Variants in RP1 observed in about 807,000 individuals in gnomAD.
RP1 encodes the protein oxygen-regulated protein 1.
In RP1, 16 loss-of-function variants were observed where a neutral mutation model predicts 14.8. The ratio of observed to expected loss-of-function variants is 1.08; its 90% confidence interval spans 0.73 to 1.65. The LOEUF (loss-of-function observed/expected upper bound fraction) is 1.65, where lower values mean the gene tolerates loss of function less well. Ranked by LOEUF, RP1 falls within the 40% of genes most tolerant of loss-of-function variation. The pLI is 0.00. For synonymous variants in RP1, 876 were observed against 883.6 expected, an observed-to-expected ratio of 0.99 and a Z score of 0.15; for missense variants, 2,631 against 2,535.0, an observed-to-expected ratio of 1.04 and a Z score of -0.81.
chr8:54,639,449 C>G (rs891596636), intron 3 of RP1, among the ~76,000 whole-genome samples: 1 of 152,034 alleles, frequency 6.6e-6, no homozygotes, highest in African/African-American at 2.4e-5. Flanking sequence ...AGTGAGATTG[C>G]TAGCTTTTAT....
intron 7 of RP1, among the ~76,000 whole-genome samples, chr8:54,664,416 A>G (rs757598521): frequency 3.3e-5 from 5 of 152,154 alleles, no homozygotes; most frequent in Non-Finnish European, 7.4e-5. Context: ...CATATTTAGA[A>G]GTGGGATTGA....
chr8:54,569,106 A>T (rs1023144804), intron 1 of RP1, among the ~76,000 whole-genome samples: 1 of 152,240 alleles, frequency 6.6e-6, no homozygotes, highest in African/African-American at 2.4e-5. Context: ...AAAATGCCCA[A>T]AGTTACGTTC....
intron 19 of RP1, among the ~76,000 whole-genome samples, chr8:54,753,200 G>T (rs1809416983): frequency 6.6e-6 from 1 of 152,188 alleles, no homozygotes; most frequent in Non-Finnish European, 1.5e-5. Context: ...AGCAAGTAAA[G>T]ATACAGTCGT....
exon 16 of RP1, chr8:54,720,212 A>C (rs1808501516): frequency 6.5e-7 from 1 of 1,536,010 alleles, no homozygotes; most frequent in Non-Finnish European, 8.7e-7. Flanking sequence ...CGAAGAGCCC[A>C]GGATTGTTTG....
intron 8 of RP1, chr8:54,678,393 T>C: frequency 7.5e-7 from 1 of 1,339,958 alleles, no homozygotes; most frequent in Non-Finnish European, 1.0e-6. Context: ...AACTTGTTTC[T>C]CAAAACTTGA....
At position 54,628,959 on chromosome 8, in the gene RP1, T is replaced by C. The variant is rs765888763; in HGVS notation, c.5077T>C (p.Leu1693=). 22 of 1,614,050 alleles carry C rather than the reference T, an allele frequency of 1.4e-5. No homozygotes were observed. The African/African-American group carries it at 2.8e-4, about 21-fold the overall frequency. ...SEQVSSSSSM[L]QEFQEERQDK... ...ACAGGTATCTAGTAGTTCATCTATG[T>C]TGCAGGAATTCCAGGAGGAAAGACA... The change falls in exon 4 of 4, where the codon TTG becomes CTG. Residue 1693 remains leucine, a synonymous_variant. Transcript: ENST00000220676.
chr8:54,786,485 A>C (rs1345434806), intron 24 of RP1, among the ~76,000 whole-genome samples: 2 of 151,924 alleles, frequency 1.3e-5, no homozygotes, highest in African/African-American at 4.8e-5. Context: ...CTGTGGTTGC[A>C]AGGTTGCCAG....
intron 21 of RP1, among the ~76,000 whole-genome samples, chr8:54,756,386 T>C (rs1166039778): frequency 1.3e-5 from 2 of 152,232 alleles, no homozygotes; most frequent in Non-Finnish European, 2.9e-5. Flanking sequence ...TAAAGGCATA[T>C]TTTTAAGAAA....
At chr8:54,652,829 C>T (rs2129326321) in exon 5 of RP1, 1 of 1,535,818 alleles carries the variant, frequency 6.5e-7, no homozygotes, top group Non-Finnish European at 8.7e-7. Context: ...ATTGGTCATA[C>T]CAACTCTGGA....
intron 1 of RP1, among the ~76,000 whole-genome samples, chr8:54,608,663 G>A (rs1805518946): frequency 6.6e-6 from 1 of 152,154 alleles, no homozygotes; most frequent in Non-Finnish European, 1.5e-5. Context: ...TGTACATGCT[G>A]CACATGTACC....
chr8:54,799,315 C>A (rs1258038353), intron 24 of RP1, among the ~76,000 whole-genome samples: 2 of 151,860 alleles, frequency 1.3e-5, no homozygotes, highest in African/African-American at 2.4e-5. Context: ...TGTTCTTTAC[C>A]AAATACCATA....
chr8:54,746,727 A>G, intron 19 of RP1, among the ~76,000 whole-genome samples: 1 of 152,236 alleles, frequency 6.6e-6, no homozygotes, highest in East Asian at 1.9e-4. Flanking sequence ...TTAGAGTTGA[A>G]GTCAAAAGAC....
At chr8:54,699,360 T>A (rs1234553318) in intron 12 of RP1, 9 of 440,154 alleles carry the variant, frequency 2.0e-5, no homozygotes, top group Admixed American at 8.5e-5. Flanking sequence ...CTGAAAACAT[T>A]TAATTGAGAA....
intron 1 of RP1, among the ~76,000 whole-genome samples, chr8:54,574,986 T>C (rs1804610939): frequency 1.3e-5 from 2 of 152,238 alleles, no homozygotes; most frequent in Non-Finnish European, 2.9e-5. Flanking sequence ...ATATTTTATA[T>C]TGAAACTTCC....
intron 24 of RP1, among the ~76,000 whole-genome samples, chr8:54,794,233 CA>C (rs1348729244): frequency 3.3e-5 from 5 of 151,186 alleles, no homozygotes; most frequent in Admixed American, 1.3e-4. Context: ...TGTGAAACCA[CA>C]AAAAACTCTA....
chr8:54,650,883 T>C (rs1027233681), intron 4 of RP1, among the ~76,000 whole-genome samples: 1 of 152,106 alleles, frequency 6.6e-6, no homozygotes, highest in Non-Finnish European at 1.5e-5. Flanking sequence ...CTTTTGCCAT[T>C]GAGTAGGACG....
intron 3 of RP1, among the ~76,000 whole-genome samples, chr8:54,642,710 T>A (rs1806474518): frequency 6.6e-6 from 1 of 152,136 alleles, no homozygotes; most frequent in South Asian, 2.1e-4. Flanking sequence ...TCGTTCTGAG[T>A]ATATTTGTAT....
Position 54,706,400 on chromosome 8 carries a change from G to A in RP1, c.1999-43G>A, listed in dbSNP as rs1022329831. ...GTTGTCTCCCTCTAGCAAAACACGAGCCCGTTACTGACTGCCTTTCTGTTC... is the reference window on the plus strand; with the variant it reads ...GTTGTCTCCCTCTAGCAAAACACGAACCCGTTACTGACTGCCTTTCTGTTC... On this transcript the variant is annotated intron_variant, in intron 14 of 22. Transcript: ENST00000636932. 2.6e-6 allele frequency: 4 copies of A among 1,523,320 alleles called. No individual in the cohort carries two copies. In the East Asian group the frequency reaches 7.4e-5, roughly 28 times the overall value. 94.4% of individuals were successfully genotyped at this position (1,523,320 alleles called of 1,614,324 possible).
intron 15 of RP1, among the ~76,000 whole-genome samples, chr8:54,708,125 T>C (rs1808194795): frequency 6.6e-6 from 1 of 151,880 alleles, no homozygotes; most frequent in Non-Finnish European, 1.5e-5. Flanking sequence ...CTCGCAGGAG[T>C]GTTCAGAACC....
Sources: gnomAD v4.1 joint callset for allele counts (sites outside exome capture counted in the v4.1 genomes callset) on GRCh38, gnomAD v4.1.1 for gene constraint, MANE v1.5 for transcripts, NCBI Gene and HGNC (gene_info 2026-07-23, HGNC 2026-07-21) for gene names.